The following EYS variants were observed in gnomAD, a reference collection of about 807,000 sequenced individuals.
EYS encodes the protein EGF-like photoreceptor maintenance factor.
EYS carries 250 observed loss-of-function variants against 282.1 expected under a neutral mutation model. That is an observed-to-expected ratio of 0.89 (90% CI 0.80 to 0.98). The LOEUF (loss-of-function observed/expected upper bound fraction) is 0.98, where lower values mean the gene tolerates loss of function less well. EYS is among the 50% of genes least tolerant of loss of function. EYS has a pLI of 0.00. For synonymous variants in EYS, 1,355 were observed against 1,282.9 expected (o/e 1.06, Z -1.20); for missense variants, 4,016 against 3,709.0 (o/e 1.08, Z -2.15).
At chr6:65,250,736 G>T (rs901260184) in intron 12 of EYS, among the ~76,000 whole-genome samples, 1 of 151,448 alleles carries the variant, frequency 6.6e-6, no homozygotes, top group Non-Finnish European at 1.5e-5. Flanking sequence ...ATAAACCCAT[G>T]TATATTATCA....
At chr6:64,326,186 T>G (rs1770415382) in intron 29 of EYS, among the ~76,000 whole-genome samples, 1 of 152,004 alleles carries the variant, frequency 6.6e-6, no homozygotes, top group African/African-American at 2.4e-5. Flanking sequence ...TTCTGCAAAG[T>G]GTGACCCCCT....
chr6:63,764,023 C>T (rs145529465), intron 40 of EYS, among the ~76,000 whole-genome samples: 39 of 151,190 alleles, frequency 2.6e-4, no homozygotes, highest in African/African-American at 9.5e-4. Context: ...TTTCTCTCCC[C>T]ACCATCCCCC....
intron 36 of EYS, among the ~76,000 whole-genome samples, chr6:63,824,583 C>T (rs577885342): frequency 7.9e-5 from 12 of 152,276 alleles, no homozygotes; most frequent in Admixed American, 7.2e-4. Context: ...ACCCCAGCTG[C>T]GGAAGTGGGA....
chr6:65,393,174 G>A (rs368659298), intron 7 of EYS, among the ~76,000 whole-genome samples: 1 of 151,866 alleles, frequency 6.6e-6, no homozygotes, highest in East Asian at 1.9e-4. Context: ...GACTGTTGTG[G>A]GGTGGGGGGA....
intron 22 of EYS, among the ~76,000 whole-genome samples, chr6:64,749,805 G>T (rs1243749164): frequency 6.6e-6 from 1 of 152,000 alleles, no homozygotes; most frequent in Non-Finnish European, 1.5e-5. Context: ...GTGCCATTGT[G>T]TCTTTTTTTC....
intron 37 of EYS, chr6:63,798,153 A>G (rs1770692477): frequency 6.6e-6 from 1 of 152,164 alleles, no homozygotes; most frequent in African/African-American, 2.4e-5. Context: ...CTCTTCAGAA[A>G]TACATTTGAA....
chr6:64,312,672 T>A (rs976642919), intron 29 of EYS, among the ~76,000 whole-genome samples: 4 of 152,144 alleles, frequency 2.6e-5, no homozygotes, highest in Non-Finnish European at 5.9e-5. Context: ...GGACGAAGCT[T>A]CCAGAGGAAG....
At chr6:64,085,334 G>GACACA (rs1562192666) in intron 31 of EYS, among the ~76,000 whole-genome samples, 6 of 69,644 alleles carry the variant, frequency 8.6e-5, no homozygotes, top group African/African-American at 4.0e-4. Context: ...GTGCGCACGT[G>GACACA]CGCGCGCACA....
chr6:65,422,072 A>T (rs957258341), intron 5 of EYS, among the ~76,000 whole-genome samples: 11 of 151,934 alleles, frequency 7.2e-5, no homozygotes, highest in Admixed American at 2.6e-4. Flanking sequence ...ATTGCCACAA[A>T]CTTTCAATTT....
chr6:65,556,384 G>A (rs1299625098), intron 2 of EYS, among the ~76,000 whole-genome samples: 1 of 49,468 alleles, frequency 2.0e-5, no homozygotes, highest in Non-Finnish European at 3.7e-5. Context: ...GAGACTGCTG[G>A]GTTTGTGTGT....
At chr6:64,621,237 TAA>T (rs917798253) in intron 23 of EYS, among the ~76,000 whole-genome samples, 15 of 152,194 alleles carry the variant, frequency 9.9e-5, no homozygotes, top group Non-Finnish European at 2.1e-4. Flanking sequence ...TTCTATAACA[TAA>T]GTTATAATAC....
At chr6:65,141,094 A>T (rs1176552816) in intron 12 of EYS, among the ~76,000 whole-genome samples, 1 of 151,882 alleles carries the variant, frequency 6.6e-6, no homozygotes, top group East Asian at 1.9e-4. Context: ...AACCAACCCA[A>T]ATGTCCAACA....
At chr6:65,289,431 T>C (rs1768460829) in intron 12 of EYS, among the ~76,000 whole-genome samples, 1 of 151,026 alleles carries the variant, frequency 6.6e-6, no homozygotes, top group South Asian at 2.1e-4. Context: ...GGTATATAGA[T>C]TGAAACACTG....
At chr6:64,649,530 G>C (rs893488569) in intron 22 of EYS, among the ~76,000 whole-genome samples, 5 of 151,982 alleles carry the variant, frequency 3.3e-5, no homozygotes, top group African/African-American at 1.2e-4. Context: ...AGTAGAGATG[G>C]GGTTTCACAA....
At chr6:65,253,008 T>G (rs1767366868) in intron 12 of EYS, among the ~76,000 whole-genome samples, 1 of 151,872 alleles carries the variant, frequency 6.6e-6, no homozygotes, top group South Asian at 2.1e-4. Flanking sequence ...AGAAAAGAGA[T>G]GAAAGAATGC....
At chr6:64,816,765 A>T (rs1764751746) in intron 21 of EYS, among the ~76,000 whole-genome samples, 1 of 152,108 alleles carries the variant, frequency 6.6e-6, no homozygotes, top group Non-Finnish European at 1.5e-5. Flanking sequence ...GGGTCTTAAA[A>T]GTAGTGCTAA....
chr6:63,894,850 G>A (rs1773497081), intron 35 of EYS, among the ~76,000 whole-genome samples: 1 of 152,086 alleles, frequency 6.6e-6, no homozygotes, highest in Non-Finnish European at 1.5e-5. Context: ...GCCTCCCAAA[G>A]TGCTAGGATT....
chr6:63,950,675 T>A (rs1394149788), intron 35 of EYS, among the ~76,000 whole-genome samples: 1 of 152,126 alleles, frequency 6.6e-6, no homozygotes, highest in Non-Finnish European at 1.5e-5. Context: ...GTGAGAAAGA[T>A]CCACCTACGA....
chr6:64,600,474 G>T (rs1766729717), intron 24 of EYS, among the ~76,000 whole-genome samples: 1 of 151,972 alleles, frequency 6.6e-6, no homozygotes, highest in Admixed American at 6.6e-5. Context: ...AGAATACTTT[G>T]CTCCAAAACA....
Sources: gnomAD v4.1 joint callset for allele counts (sites outside exome capture counted in the v4.1 genomes callset) on GRCh38, gnomAD v4.1.1 for gene constraint, MANE v1.5 for transcripts, NCBI Gene and HGNC (gene_info 2026-07-23, HGNC 2026-07-21) for gene names.